The following TMEM126B variants were observed in gnomAD, a reference collection of about 807,000 sequenced individuals.
The protein encoded by TMEM126B is complex I assembly factor TMEM126B, mitochondrial.
In TMEM126B, 19 loss-of-function variants were observed where a neutral mutation model predicts 16.5. That is an observed-to-expected ratio of 1.15 (90% confidence interval 0.80 to 1.69). The LOEUF (loss-of-function observed/expected upper bound fraction) is 1.69, where lower values mean the gene tolerates loss of function less well. Among genes scored for constraint, TMEM126B ranks in the 40% most tolerant of loss-of-function variants. TMEM126B has a pLI of 0.00. For synonymous variants in TMEM126B, 104 were observed against 93.2 expected (o/e 1.12, Z -0.67); for missense variants, 293 against 278.7 (o/e 1.05, Z -0.37).
chr11:85,631,556 AAGC>A (rs1565790802), intron 1 of TMEM126B, 128 bp from the exon 2 acceptor site: 1 of 1,051,328 alleles, frequency 9.5e-7, no homozygotes, highest in South Asian at 1.6e-5. Context: ...AAGTATGTGA[AAGC>A]AGACGACACA....
chr11:85,632,754 A>C (rs947669241), intron 2 of TMEM126B, among the ~76,000 whole-genome samples: 1 of 152,132 alleles, frequency 6.6e-6, no homozygotes, highest in African/African-American at 2.4e-5. Context: ...AAAATTTGGA[A>C]TACTTCCAAC....
chr11:85,634,416 T>C lies in TMEM126B; in HGVS notation c.397+137T>C, dbSNP rs187881805. ...CAGTTTACAAAGTCCATATACCTTGTCATATTTAATCCCTGCAACAATCCT... is the reference window on the plus strand; with the variant it reads ...CAGTTTACAAAGTCCATATACCTTGCCATATTTAATCCCTGCAACAATCCT... On this transcript the variant is annotated intron_variant, in intron 3 of 4. Transcript: ENST00000358867. 7.9e-6 allele frequency: 5 copies of C among 632,372 alleles called. No individual in the cohort carries two copies. In the Admixed American group the frequency reaches 1.1e-4, roughly 13 times the overall value. The allele number at this position is 632,372 out of a possible 1,614,324, so 39.2% of individuals were successfully genotyped here.
intron 1 of TMEM126B, chr11:85,629,130 A>T: frequency 1.1e-6 from 1 of 927,806 alleles, no homozygotes; most frequent in Non-Finnish European, 1.5e-6. Context: ...TTAAATTGCC[A>T]GCTTTTTTGT....
At position 85,636,225 on chromosome 11, in the gene TMEM126B, A is replaced by T. The variant is rs1234824356; in HGVS notation, c.689A>T (p.Glu230Val). 6.7e-7 allele frequency: 1 copy of T among 1,496,944 alleles called. No individual in the cohort carries two copies. The highest frequency in any genetic ancestry group is 1.4e-5 in the African/African-American group (1 of 70,940). The allele number at this position is 1,496,944 out of a possible 1,614,324, so 92.7% of individuals were successfully genotyped here. A position where few individuals can be genotyped will look rare whatever the true frequency, so the allele number is the denominator to read the frequency against. The change falls in exon 5 of 5, where the codon GAG becomes GTG. Residue 230 changes from glutamate (E) to valine (V), a missense_variant. By Grantham distance (121) the Glu-to-Val change is moderately radical. Coordinates refer to ENST00000358867, the MANE Select transcript of TMEM126B (RefSeq NM_018480.7). ...EETLEKTIHE[E>V] ...ACACTTGAGAAAACTATACATGAAGAGTAACCAAAAAAATGAATGGTTGCT... is the reference window on the plus strand; with the variant it reads ...ACACTTGAGAAAACTATACATGAAGTGTAACCAAAAAAATGAATGGTTGCT...
At chr11:85,633,067 C>G (rs532687364) in intron 2 of TMEM126B, among the ~76,000 whole-genome samples, 1 of 152,132 alleles carries the variant, frequency 6.6e-6, no homozygotes. Flanking sequence ...GTTTTTTGTT[C>G]TTGCAATAGT....
chr11:85,635,755 TA>T lies in TMEM126B; in HGVS notation c.491del (p.Asn164MetfsTer20). ...TCTATCCCAGTTCTTTGGCTTTTAC[TA>T]AAAATGGACGCCTGGCAACCAAGTA... ...VFYPSSLAFT[K>X]NGRLATKYHT... On this transcript the variant is annotated frameshift_variant, in exon 4 of 5. Coordinates refer to ENST00000358867, the MANE Select transcript of TMEM126B (RefSeq NM_018480.7). LOFTEE classifies it low-confidence loss of function (END_TRUNC). 6.3e-7 allele frequency: 1 copy of T among 1,597,384 alleles called. No individual in the cohort carries two copies. The highest frequency in any genetic ancestry group is 1.8e-5 in the Admixed American group (1 of 55,960).
In TMEM126B at chr11:85,636,273, A is replaced by G. The variant is rs771055248; in HGVS notation, c.*44A>G. ...GCTAACTTAGCAAAATGAAGTTTCT[A>G]TAAAGAGGACTCAGGCATTGCTGAA... On this transcript the variant is annotated 3_prime_UTR_variant, in exon 5 of 5. Coordinates refer to ENST00000358867, the MANE Select transcript of TMEM126B (RefSeq NM_018480.7). 40 of 1,354,928 alleles carry G rather than the reference A, an allele frequency of 3.0e-5. No homozygotes were observed. The highest frequency in any genetic ancestry group is 3.7e-5 in the Non-Finnish European group (38 of 1,031,728). 83.9% of individuals were successfully genotyped at this position (1,354,928 alleles called of 1,614,324 possible). A position where few individuals can be genotyped will look rare whatever the true frequency, so the allele number is the denominator to read the frequency against.
chr11:85,635,872 C>T (rs2082393862), intron 4 of TMEM126B, 94 bp downstream of exon 4: 3 of 962,996 alleles, frequency 3.1e-6, no homozygotes, highest in African/African-American at 2.3e-5. Flanking sequence ...CTTTAGCTGT[C>T]TATGATATAT....
intron 2 of TMEM126B, among the ~76,000 whole-genome samples, chr11:85,632,869 G>A (rs2153306906): frequency 6.6e-6 from 1 of 152,008 alleles, no homozygotes; most frequent in Middle Eastern, 3.4e-3. Context: ...AGTTACATAT[G>A]TATACATGTG....
In TMEM126B at chr11:85,636,129, C is replaced by T. The variant is rs17850847; in HGVS notation, c.593C>T (p.Ala198Val). ...TLCQTQMKLM[A>V]IPLVFQIMFG... ...TGTCAAACACAAATGAAATTAATGG[C>T]GATTCCTCTAGTCTTTCAGATTATG... The change falls in exon 5 of 5, where the codon GCG (alanine) becomes GTG (valine). Residue 198 changes from alanine (A) to valine (V), a missense_variant. Coordinates refer to ENST00000358867, the MANE Select transcript of TMEM126B (RefSeq NM_018480.7). 37,510 of 1,611,974 alleles carry T rather than the reference C, an allele frequency of 0.023. 521 individuals are homozygous for T. Among genetic ancestry groups the T allele is most frequent in the Non-Finnish European group, 0.027 (32,320 of 1,179,190 alleles).
intron 4 of TMEM126B, 76 bp from the exon 5 acceptor site, chr11:85,635,970 T>A: frequency 7.0e-7 from 1 of 1,434,954 alleles, no homozygotes; most frequent in Non-Finnish European, 9.3e-7. Context: ...AAGGCAATTA[T>A]CAATTTAGGA....
rs777525736 is a variant in TMEM126B at position 85,634,126 on chromosome 11, G to A, written c.244G>A (p.Ala82Thr). Residue 82 changes from alanine (A) to threonine (T), a missense_variant, in exon 3 of 5, where the codon GCT becomes ACT. By Grantham distance (58) the Ala-to-Thr change is moderately conservative. Coordinates refer to ENST00000358867, the MANE Select transcript of TMEM126B (RefSeq NM_018480.7). ...TCAAATGGCGACATTTGGAACAACAGCTGGTTTCTCTGGAATATTCTCAAA... is the reference window on the plus strand; with the variant it reads ...TCAAATGGCGACATTTGGAACAACAACTGGTTTCTCTGGAATATTCTCAAA... ...IYQMATFGTT[A>T]GFSGIFSNFL... 1.9e-6 allele frequency: 3 copies of A among 1,613,516 alleles called. No homozygotes were observed. The highest frequency in any genetic ancestry group is 2.2e-5 in the South Asian group (2 of 90,982).
At chr11:85,628,822 G>C (rs781044456) in intron 1 of TMEM126B, 134 bp downstream of exon 1, 2 of 865,412 alleles carry the variant, frequency 2.3e-6, no homozygotes, top group East Asian at 5.3e-5. Context: ...AGGAGCAGTC[G>C]ATTAAGTCTC....
intron 3 of TMEM126B, 31 bp from the exon 4 acceptor site, chr11:85,635,636 A>G: frequency 6.4e-7 from 1 of 1,553,344 alleles, no homozygotes; most frequent in Non-Finnish European, 8.8e-7. Context: ...TTGAGTTTTA[A>G]AGGAAAACCA....
intron 2 of TMEM126B, 23 bp downstream of exon 2, chr11:85,631,831 A>C (rs746210909): frequency 1.3e-6 from 2 of 1,579,742 alleles, no homozygotes; most frequent in South Asian, 2.3e-5. Context: ...CCCAGGCTGA[A>C]AATCAGTCAT....
chr11:85,636,153 T>C lies in TMEM126B; in HGVS notation c.617T>C (p.Met206Thr), dbSNP rs778025137. 27 of 1,612,238 alleles carry C rather than the reference T, an allele frequency of 1.7e-5. No individual in the cohort carries two copies. Among genetic ancestry groups the C allele is most frequent in the South Asian group, 2.2e-5 (2 of 90,706 alleles). Residue 206 changes from methionine to threonine, a missense_variant, in exon 5 of 5, where the codon ATG (methionine) becomes ACG (threonine). Physicochemically the swap from Met to Thr is moderately conservative, Grantham distance 81. Transcript: ENST00000358867. ...GCGATTCCTCTAGTCTTTCAGATTA[T>C]GTTTGGAATATTAAATGGTCTATAC... ...LMAIPLVFQI[M>T]FGILNGLYHY... is the part of the protein sequence containing the mutation.
At chr11:85,628,764 A>G in intron 1 of TMEM126B, 76 bp downstream of exon 1, 4 of 1,391,080 alleles carry the variant, frequency 2.9e-6, no homozygotes, top group African/African-American at 1.5e-5. Context: ...CTAAGATGAT[A>G]CCTTTAAAGG....
At chr11:85,631,329 T>G (rs912278016) in intron 1 of TMEM126B, 1 of 1,199,778 alleles carries the variant, frequency 8.3e-7, no homozygotes, top group Non-Finnish European at 1.1e-6. Flanking sequence ...ATGTTAGCCT[T>G]CTACACTAAA....
At chr11:85,634,394 T>C in intron 3 of TMEM126B, 115 bp downstream of exon 3, 1 of 756,078 alleles carries the variant, frequency 1.3e-6, no homozygotes, top group South Asian at 1.9e-5. Flanking sequence ...TGCTATACAG[T>C]TTACAAAGTC....
Sources: gnomAD v4.1 joint callset for allele counts (sites outside exome capture counted in the v4.1 genomes callset) on GRCh38, gnomAD v4.1.1 for gene constraint, MANE v1.5 for transcripts, NCBI Gene and HGNC (gene_info 2026-07-23, HGNC 2026-07-21) for gene names.